The following PPEF1 variants were observed in gnomAD, a reference collection of about 807,000 sequenced individuals.
The protein encoded by PPEF1 is protein phosphatase with EF-hand domain 1, also known as serine/threonine-protein phosphatase with EF-hands 1.
Under a neutral mutation model 53.3 loss-of-function variants are expected in PPEF1, and 12 were observed. The observed-to-expected ratio is 0.23, with a 90% CI of 0.14 to 0.36. The LOEUF is 0.36. Ranked by LOEUF, PPEF1 falls within the 10% of genes least tolerant of loss-of-function variation. The probability of loss-of-function intolerance (pLI) is 1.00; values close to 1 mark genes in which losing one functional copy is unlikely to be tolerated. For synonymous variants in PPEF1, 165 were observed against 176.7 expected, an observed-to-expected ratio of 0.93 and a Z score of 0.52; for missense variants, 334 against 490.4, an observed-to-expected ratio of 0.68 and a Z score of 3.01.
intron 7 of PPEF1, among the ~76,000 whole-genome samples, chrX:18,781,427 G>T (rs2046082986): frequency 9.0e-6 from 1 of 111,258 alleles, no homozygotes; most frequent in South Asian, 3.8e-4. Context: ...AGGTAGAGGA[G>T]AGCTTGCAAA....
chrX:18,801,983 C>CAAAAA (rs1208583667), intron 10 of PPEF1, among the ~76,000 whole-genome samples: 16 of 50,505 alleles, frequency 3.2e-4, no homozygotes, highest in Non-Finnish European at 2.5e-4. Context: ...GACTCCATCA[C>CAAAAA]AAAAAAAAAA....
At chrX:18,706,561 A>G (rs867487429), upstream of PPEF1, among the ~76,000 whole-genome samples, 3 of 110,077 alleles carry the variant, frequency 2.7e-5, no homozygotes, top group African/African-American at 6.6e-5. Context: ...CCTGGCCAAC[A>G]CAGCAAAACC....
intron 5 of PPEF1, among the ~76,000 whole-genome samples, chrX:18,758,950 A>C (rs934936798): frequency 9.0e-6 from 1 of 111,494 alleles, no homozygotes; most frequent in South Asian, 3.8e-4. Flanking sequence ...TCTCTAGTCT[A>C]TTCCTTGCTC....
intron 6 of PPEF1, among the ~76,000 whole-genome samples, chrX:18,761,831 G>C (rs2045674152): frequency 3.6e-5 from 4 of 110,288 alleles, no homozygotes; most frequent in African/African-American, 1.3e-4. Context: ...ATTTGTACCG[G>C]ATTGTATTTA....
chrX:18,778,751 G>C (rs1181573466), intron 6 of PPEF1, among the ~76,000 whole-genome samples: 1 of 111,016 alleles, frequency 9.0e-6, no homozygotes, highest in Admixed American at 9.6e-5. Context: ...ACTCATAGTA[G>C]GTGGTGGGTA....
upstream of PPEF1, among the ~76,000 whole-genome samples, chrX:18,680,782 A>G (rs1928856582): frequency 1.9e-5 from 1 of 53,760 alleles, no homozygotes; most frequent in Admixed American, 2.6e-4. Context: ...CCACCCCACA[A>G]GAGTTCCCGG....
chrX:18,720,229 G>A (rs1403024590), intron 1 of PPEF1, among the ~76,000 whole-genome samples: 1 of 76,312 alleles, frequency 1.3e-5, no homozygotes, highest in Non-Finnish European at 2.8e-5. Flanking sequence ...AATGACGATG[G>A]TATATGGAGA....
chrX:18,803,437 A>G (rs890834211), intron 10 of PPEF1, among the ~76,000 whole-genome samples: 63 of 112,396 alleles, frequency 5.6e-4, no homozygotes, highest in Non-Finnish European at 1.1e-3. Context: ...GGGCCAGTTT[A>G]TGGCCAGATT....
At chrX:18,725,562 C>T (rs900256140) in intron 1 of PPEF1, among the ~76,000 whole-genome samples, 7 of 111,670 alleles carry the variant, frequency 6.3e-5, no homozygotes. Flanking sequence ...TTGCAGTCTG[C>T]CTTTCCCACC....
intron 14 of PPEF1, among the ~76,000 whole-genome samples, chrX:18,824,473 T>A (rs1467130976): frequency 9.0e-6 from 1 of 110,658 alleles, no homozygotes; most frequent in East Asian, 2.9e-4. Flanking sequence ...GATAATCTAA[T>A]AGATGGAGTG....
intron 6 of PPEF1, among the ~76,000 whole-genome samples, chrX:18,772,692 G>A (rs183487629): frequency 2.7e-5 from 3 of 112,478 alleles, no homozygotes; most frequent in Non-Finnish European, 5.6e-5. Flanking sequence ...CACAGTTTCT[G>A]TGGGTCAGAA....
upstream of PPEF1, among the ~76,000 whole-genome samples, chrX:18,704,995 A>G (rs182301909): frequency 2.4e-4 from 27 of 111,352 alleles, no homozygotes; most frequent in African/African-American, 6.9e-4. Flanking sequence ...ATACTAGGTA[A>G]TTTTAAAGGT....
intron 6 of PPEF1, among the ~76,000 whole-genome samples, chrX:18,702,129 C>T (rs1930168954): frequency 8.9e-6 from 1 of 111,884 alleles, no homozygotes; most frequent in East Asian, 2.8e-4. Context: ...TCCTCTGCCT[C>T]ACCCTATGCC....
chrX:18,812,844 C>T (rs1467902921), intron 12 of PPEF1, among the ~76,000 whole-genome samples: 1 of 110,350 alleles, frequency 9.1e-6, no homozygotes, highest in Admixed American at 9.8e-5. Flanking sequence ...TCATAGCTCA[C>T]TGCACCCTCA....
chrX:18,758,358 C>T (rs1236006619), intron 5 of PPEF1, among the ~76,000 whole-genome samples: 2 of 111,973 alleles, frequency 1.8e-5, no homozygotes, highest in East Asian at 2.8e-4. Flanking sequence ...CAGTGGGGTG[C>T]GTGGAAGGAA....
At chrX:18,678,571 C>G, upstream of PPEF1, among the ~76,000 whole-genome samples, 1 of 112,154 alleles carries the variant, frequency 8.9e-6, no homozygotes, top group South Asian at 3.7e-4. Flanking sequence ...TTCTGTCCCC[C>G]CACTGGGACT....
chrX:18,707,887 C>A, intron 1 of PPEF1, 61 bp downstream of exon 1: 1 of 1,038,313 alleles, frequency 9.6e-7, no homozygotes, highest in Non-Finnish European at 1.3e-6. Flanking sequence ...CTGCCCTCAC[C>A]CTCTTCTCCT....
intron 12 of PPEF1, among the ~76,000 whole-genome samples, chrX:18,816,322 TTTTAA>T (rs1414781984): frequency 8.9e-6 from 1 of 111,923 alleles, no homozygotes; most frequent in Non-Finnish European, 1.9e-5. Context: ...TGTTGTTAAT[TTTTAA>T]TTTATTTATT....
intron 1 of PPEF1, among the ~76,000 whole-genome samples, chrX:18,727,273 G>T (rs1350466685): frequency 9.0e-6 from 1 of 111,005 alleles, no homozygotes; most frequent in Non-Finnish European, 1.9e-5. Flanking sequence ...CACTGGAAAG[G>T]TACCATTGTG....
Sources: allele counts gnomAD v4.1 joint callset (sites outside exome capture counted in the v4.1 genomes callset), GRCh38; gene constraint gnomAD v4.1.1; transcripts MANE v1.5; gene names NCBI Gene and HGNC (gene_info 2026-07-23, HGNC 2026-07-21).